Variants in SPTBN4 observed in about 807,000 individuals in gnomAD.
SPTBN4 encodes spectrin beta, non-erythrocytic 4, also known as spectrin beta chain, non-erythrocytic 4.
In SPTBN4, 96 loss-of-function variants were observed where a neutral mutation model predicts 277.8. The ratio of observed to expected loss-of-function variants is 0.35; its 90% CI spans 0.29 to 0.41. The LOEUF (loss-of-function observed/expected upper bound fraction) is 0.41. Ranked by LOEUF, SPTBN4 falls within the 10% of genes least tolerant of loss-of-function variation. The pLI is 1.00. For missense variants in SPTBN4, 3,006 were observed against 3,595.7 expected (o/e 0.84, Z 4.19); for synonymous variants, 1,481 against 1,580.3 (o/e 0.94, Z 1.49).
intron 1 of SPTBN4, among the ~76,000 whole-genome samples, chr19:40,469,353 C>T (rs1412815176): frequency 2.6e-5 from 4 of 152,076 alleles, no homozygotes; most frequent in Non-Finnish European, 5.9e-5. Flanking sequence ...CAACCTTCGC[C>T]TCCCGGTTTC....
At chr19:40,523,989 GAC>G (rs989053944) in intron 17 of SPTBN4, among the ~76,000 whole-genome samples, 1 of 152,042 alleles carries the variant, frequency 6.6e-6, no homozygotes, top group Admixed American at 6.6e-5. Context: ...TTTTAGTAGA[GAC>G]ACGGTTTCAC....
rs142953570 is a variant in SPTBN4 at position 40,562,359 on chromosome 19, G to A, written c.5915+1956G>A. Among the ~76,000 whole-genome samples, 55 of 151,832 alleles carry A rather than the reference G, an allele frequency of 3.6e-4. No homozygotes were observed. In the East Asian group the frequency reaches 6.8e-3, roughly 19 times the overall value. On this transcript the variant is annotated intron_variant, in intron 27 of 35. Transcript: ENST00000598249. Reference sequence around the variant, plus strand: ...AGCTTGGCCAATGTGGCGAAACCCCGCCTCTACTAAAAATACAAAAATTAG... The same window carrying A: ...AGCTTGGCCAATGTGGCGAAACCCCACCTCTACTAAAAATACAAAAATTAG...
chr19:40,518,437 T>G (rs2080484715), intron 15 of SPTBN4, among the ~76,000 whole-genome samples: 1 of 152,106 alleles, frequency 6.6e-6, no homozygotes, highest in Non-Finnish European at 1.5e-5. Flanking sequence ...TTATTTTTAT[T>G]TATTTATTTT....
intron 19 of SPTBN4, among the ~76,000 whole-genome samples, chr19:40,533,366 C>T (rs1324025483): frequency 6.6e-6 from 1 of 152,186 alleles, no homozygotes; most frequent in African/African-American, 2.4e-5. Context: ...ACTTTTAATA[C>T]TTAATGTTAC....
chr19:40,549,254 G>T lies in SPTBN4; in HGVS notation c.4425G>T (p.Ala1475=), dbSNP rs374772742. Reference sequence around the variant, plus strand: ...GAGAGCTGCAGGCGCAGACGGCGGCGCTGCCGCTGGAGCCGGCGAGCAAGG... The same window carrying T: ...GAGAGCTGCAGGCGCAGACGGCGGCTCTGCCGCTGGAGCCGGCGAGCAAGG... ...EVGELQAQTA[A]LPLEPASKEL... Residue 1475 remains alanine (A), a synonymous_variant, in exon 21 of 36, where the codon GCG becomes GCT. Coordinates refer to ENST00000598249, the MANE Select transcript of SPTBN4 (RefSeq NM_020971.3). 2 of 1,546,782 alleles carry T rather than the reference G, an allele frequency of 1.3e-6. No homozygotes were observed. The highest frequency in any genetic ancestry group is 8.7e-7 in the Non-Finnish European group (1 of 1,146,802).
chr19:40,467,297 CG>C lies in SPTBN4; in HGVS notation c.-21del, dbSNP rs1477002287. 10 of 152,456 alleles carry C rather than the reference CG, an allele frequency of 6.6e-5. No homozygotes were observed. The highest frequency in any genetic ancestry group is 8.8e-5 in the Non-Finnish European group (6 of 68,060). 9.4% of individuals were successfully genotyped at this position (152,456 alleles called of 1,614,324 possible). On this transcript the variant is annotated 5_prime_UTR_variant, in exon 1 of 36. Coordinates refer to ENST00000598249, the MANE Select transcript of SPTBN4 (RefSeq NM_020971.3). Reference sequence around the variant, plus strand: ...GCGGAGACAGCGACGCTGGCGGCCGCGGGCCCAGGTGAGCTGCTAGGGGGGC... The same window carrying C: ...GCGGAGACAGCGACGCTGGCGGCCGCGGCCCAGGTGAGCTGCTAGGGGGGC...
At chr19:40,479,856 C>G (rs149678413) in intron 2 of SPTBN4, among the ~76,000 whole-genome samples, 1 of 150,782 alleles carries the variant, frequency 6.6e-6, no homozygotes, top group Non-Finnish European at 1.5e-5. Context: ...AATCCGAGTG[C>G]GTTGGGAAAC....
chr19:40,520,003 C>CT lies in SPTBN4; in HGVS notation c.3506_3507insT (p.Leu1170ThrfsTer14). On this transcript the variant is annotated frameshift_variant, in exon 16 of 36. Transcript: ENST00000598249. LOFTEE classifies it high-confidence loss of function. The stretch of plus-strand genomic sequence containing the variant: ...GGCGCAGAGCTGGGCCCGGGCCTGG[C>CT]ACTAGACGAGTGGCTGCCACACCTC... The CT allele has an allele frequency of 6.4e-7, 1 of 1,561,092 alleles. No individual in the cohort carries two copies. Among genetic ancestry groups the CT allele is most frequent in the Non-Finnish European group, 8.6e-7 (1 of 1,158,322 alleles).
At chr19:40,492,195 C>A in intron 4 of SPTBN4, among the ~76,000 whole-genome samples, 1 of 151,902 alleles carries the variant, frequency 6.6e-6, no homozygotes, top group Non-Finnish European at 1.5e-5. Context: ...GTGGAGTGGA[C>A]AGGCCTTACG....
chr19:40,569,797 C>T (rs1429317880), intron 32 of SPTBN4, 71 bp downstream of exon 32: 9 of 1,448,380 alleles, frequency 6.2e-6, no homozygotes, highest in South Asian at 2.4e-5. Flanking sequence ...ATCTCAGAAA[C>T]AGCCAGTGCC....
chr19:40,489,360 G>T (rs2080110805), intron 3 of SPTBN4, among the ~76,000 whole-genome samples: 2 of 149,818 alleles, frequency 1.3e-5, no homozygotes, highest in South Asian at 4.2e-4. Context: ...GACCCGAAAG[G>T]GAAGCAGCGA....
chr19:40,566,690 T>C (rs2081095478), intron 30 of SPTBN4, among the ~76,000 whole-genome samples: 1 of 152,132 alleles, frequency 6.6e-6, no homozygotes, highest in Non-Finnish European at 1.5e-5. Context: ...TTAGGCCAGG[T>C]GTGACGGCTC....
At chr19:40,484,773 T>A (rs2080050793) in intron 2 of SPTBN4, among the ~76,000 whole-genome samples, 1 of 149,254 alleles carries the variant, frequency 6.7e-6, no homozygotes, top group Admixed American at 6.7e-5. Context: ...TAAAAAAAAA[T>A]TAAAAAAAAT....
At chr19:40,534,702 T>C (rs748002789) in intron 20 of SPTBN4, 22 of 247,926 alleles carry the variant, frequency 8.9e-5, no homozygotes, top group Non-Finnish European at 1.8e-4. Context: ...TGACATTCAT[T>C]GAGCATTTCT....
chr19:40,523,417 C>G lies in SPTBN4; in HGVS notation c.3655-20C>G. Reference sequence around the variant, plus strand: ...GAATGGAATGAGGCTGACCTTTGCACCACGCTCCCTCCTCCCCAGGAGATG... The same window carrying G: ...GAATGGAATGAGGCTGACCTTTGCAGCACGCTCCCTCCTCCCCAGGAGATG... On this transcript the variant is annotated intron_variant, in intron 16 of 35. Coordinates refer to ENST00000598249, the MANE Select transcript of SPTBN4 (RefSeq NM_020971.3). 6.4e-7 allele frequency: 1 copy of G among 1,573,934 alleles called. No individual in the cohort carries two copies. The highest frequency in any genetic ancestry group is 8.6e-7 in the Non-Finnish European group (1 of 1,158,482).
At position 40,502,295 on chromosome 19, in the gene SPTBN4, C is replaced by G; in HGVS notation, c.1065C>G (p.Cys355Trp). 1 of 1,613,442 alleles carries G rather than the reference C, an allele frequency of 6.2e-7. No individual in the cohort carries two copies. Among genetic ancestry groups the G allele is most frequent in the South Asian group, 1.1e-5 (1 of 91,080 alleles). Residue 355 changes from cysteine (C) to tryptophan (W), a missense_variant, in exon 9 of 36, where the codon TGC (cysteine) becomes TGG (tryptophan). Around this residue, in one of 5 missense-constraint regions of SPTBN4, gnomAD observed 1,759 missense variants for 2,061.5 expected, o/e 0.85. Coordinates refer to ENST00000598249, the MANE Select transcript of SPTBN4 (RefSeq NM_020971.3). This position sits in a 1 kb window ranked among gnomAD's most constrained non-coding sequence, Gnocchi z 4.9. The part of the protein sequence containing the change: ...QQQLQAFTAY[C>W]TLEKPVKFQE... ...AACTCCAGGCTTTCACGGCCTATTG[C>G]ACGCTGGAGAAGCCTGTCAAGTGAG... is the stretch of plus-strand genomic sequence containing the variant.
intron 7 of SPTBN4, among the ~76,000 whole-genome samples, chr19:40,498,921 C>G (rs867030565): frequency 6.6e-6 from 1 of 151,762 alleles, no homozygotes; most frequent in Non-Finnish European, 1.5e-5. Context: ...AGGCTGGTCT[C>G]AAACTCCTGA....
intron 1 of SPTBN4, among the ~76,000 whole-genome samples, chr19:40,469,979 AT>A (rs1272977487): frequency 6.8e-6 from 1 of 146,340 alleles, no homozygotes; most frequent in Non-Finnish European, 1.5e-5. Flanking sequence ...TTTGTTTTCT[AT>A]TTTTTTATTT....
chr19:40,542,363 C>T (rs1245158963), intron 20 of SPTBN4, among the ~76,000 whole-genome samples: 2 of 152,156 alleles, frequency 1.3e-5, no homozygotes, highest in African/African-American at 2.4e-5. Context: ...GTCCTGGCCA[C>T]GTGACCCAGA....
Sources: gnomAD v4.1 joint callset for allele counts (sites outside exome capture counted in the v4.1 genomes callset) on GRCh38, gnomAD v4.1.1 for gene constraint, gnomAD v4.1.1 regional missense constraint, Gnocchi (gnomAD v3.1) non-coding constraint, MANE v1.5 for transcripts, NCBI Gene and HGNC (gene_info 2026-07-23, HGNC 2026-07-21) for gene names.